The following TRIM23 variants were observed in gnomAD, a reference collection of about 807,000 sequenced individuals.
TRIM23 encodes tripartite motif containing 23, also known as E3 ubiquitin-protein ligase TRIM23.
A neutral mutation model predicts 71.0 loss-of-function variants in TRIM23; 27 were observed. The observed-to-expected ratio is 0.38, with a 90% CI of 0.28 to 0.52. TRIM23 has a LOEUF of 0.52. Among genes scored for constraint, TRIM23 ranks in the 20% least tolerant of loss-of-function variants. The probability of loss-of-function intolerance (pLI) is 0.84; values close to 1 mark genes in which losing one functional copy is unlikely to be tolerated. For synonymous variants in TRIM23, 234 were observed against 238.0 expected (o/e 0.98, Z 0.16); for missense variants, 482 against 692.3 (o/e 0.70, Z 3.41).
Position 65,594,592 on chromosome 5 carries a change from T to C in TRIM23, c.1474A>G (p.Ser492Gly), listed in dbSNP as rs1754143180. 4 of 1,612,642 alleles carry C rather than the reference T, an allele frequency of 2.5e-6. No individual in the cohort carries two copies. The highest frequency in any genetic ancestry group is 3.4e-6 in the Non-Finnish European group (4 of 1,179,480). ...SHRDRISEAH[S>G]ELAKLLTEKE... is the part of the protein sequence containing the mutation. The stretch of plus-strand genomic sequence containing the variant: ...TCCGTTAACAACTTTGCAAGTTCGC[T>C]GTGTGCTTCACTAATTCTGTCTCTA... Residue 492 changes from serine to glycine, a missense_variant, in exon 10 of 11, where the codon AGC (serine) becomes GGC (glycine). Transcript: ENST00000231524.
At position 65,590,218 on chromosome 5, in the gene TRIM23, T is replaced by C. The variant is rs142117958; in HGVS notation, c.*1551A>G. The C allele has an allele frequency of 7.9e-4, 731 of 924,954 alleles. 6 individuals carry two copies. The East Asian group carries it at 0.016, about 20-fold the overall frequency. The allele number at this position is 924,954 out of a possible 1,614,324, so 57.3% of individuals were successfully genotyped here. A position where few individuals can be genotyped will look rare whatever the true frequency, so the allele number is the denominator to read the frequency against. On this transcript the variant is annotated 3_prime_UTR_variant, in exon 11 of 11. Coordinates refer to ENST00000231524, the MANE Select transcript of TRIM23 (RefSeq NM_001656.4). ...ACACCTTTTTTATTTTTCACAGTTATTGAAATCAGTCAAATATTAAATAAT... is the reference window on the plus strand; with the variant it reads ...ACACCTTTTTTATTTTTCACAGTTACTGAAATCAGTCAAATATTAAATAAT...
At chr5:65,611,415 G>GTT (rs372586182) in intron 4 of TRIM23, among the ~76,000 whole-genome samples, 188 bp downstream of exon 4, 8 of 144,182 alleles carry the variant, frequency 5.5e-5, no homozygotes, top group African/African-American at 1.8e-4. Context: ...CCTCTTTGAA[G>GTT]TTTTTTTTTT....
intron 1 of TRIM23, among the ~76,000 whole-genome samples, chr5:65,620,985 G>A (rs1000723264): frequency 2.0e-5 from 3 of 151,798 alleles, no homozygotes; most frequent in South Asian, 2.1e-4. Flanking sequence ...AGCCATGATC[G>A]TGCCATTGCA....
chr5:65,603,115 AG>A (rs1378188481), intron 7 of TRIM23, among the ~76,000 whole-genome samples: 1 of 152,202 alleles, frequency 6.6e-6, no homozygotes, highest in Admixed American at 6.5e-5. Flanking sequence ...CAAATTCATA[AG>A]GGAAAAATAC....
chr5:65,594,266 A>G (rs1754130916), intron 10 of TRIM23, among the ~76,000 whole-genome samples: 1 of 152,210 alleles, frequency 6.6e-6, no homozygotes. Flanking sequence ...TAAGTTACTT[A>G]TCAGTCTTCT....
chr5:65,595,694 C>A (rs1373084327), intron 9 of TRIM23, among the ~76,000 whole-genome samples: 1 of 151,522 alleles, frequency 6.6e-6, no homozygotes, highest in Non-Finnish European at 1.5e-5. Flanking sequence ...CCACTGTACT[C>A]CTGCCTGGGC....
At chr5:65,600,135 C>T (rs1754321695) in intron 7 of TRIM23, among the ~76,000 whole-genome samples, 1 of 152,106 alleles carries the variant, frequency 6.6e-6, no homozygotes, top group South Asian at 2.1e-4. Flanking sequence ...ATGGCAAAGA[C>T]AGTACCAAGG....
chr5:65,598,578 C>T (rs28589945), intron 7 of TRIM23, among the ~76,000 whole-genome samples: 34,936 of 152,020 alleles, frequency 0.23, 4,398 homozygotes, highest in Non-Finnish European at 0.28. Context: ...AGAGAAACCC[C>T]GTCTCTACTA....
intron 8 of TRIM23, 139 bp downstream of exon 8, chr5:65,596,912 A>AT (rs1362190673): frequency 2.1e-5 from 22 of 1,063,862 alleles, no homozygotes; most frequent in Non-Finnish European, 2.8e-5. Flanking sequence ...ACAATCTTGC[A>AT]TTTTTTCTCT....
rs1754631380 is a variant in TRIM23, at chr5:65,610,871, T to G, written c.818A>C (p.His273Pro). The part of the protein sequence containing the change: ...QIVEDGIGMA[H>P]TEHVPGTAEN... ...AAAAAAAATCCATACATGTTCTGTGTGAGCCATTCCAATTCCATCTTCCAC... is the reference window on the plus strand; with the variant it reads ...AAAAAAAATCCATACATGTTCTGTGGGAGCCATTCCAATTCCATCTTCCAC... Residue 273 changes from histidine (H) to proline (P), a missense_variant, in exon 5 of 11, where the codon CAC (histidine) becomes CCC (proline). Around this residue, in one of 2 missense-constraint regions of TRIM23, gnomAD observed 307 missense variants for 495.8 expected, o/e 0.62. Transcript: ENST00000231524. 1 of 1,606,228 alleles carries G rather than the reference T, an allele frequency of 6.2e-7. No homozygotes were observed. The highest frequency in any genetic ancestry group is 8.5e-7 in the Non-Finnish European group (1 of 1,177,600).
intron 2 of TRIM23, among the ~76,000 whole-genome samples, chr5:65,615,315 A>G (rs971403345): frequency 6.6e-5 from 10 of 152,334 alleles, no homozygotes; most frequent in Admixed American, 3.3e-4. Flanking sequence ...AGAAATACAT[A>G]TAACATTGTA....
At chr5:65,603,849 A>G (rs1754426275) in intron 7 of TRIM23, among the ~76,000 whole-genome samples, 1 of 152,228 alleles carries the variant, frequency 6.6e-6, no homozygotes, top group Non-Finnish European at 1.5e-5. Context: ...CAACCATTAA[A>G]AAAATTGTTT....
In TRIM23 at chr5:65,590,191, C is replaced by G. The variant is rs548456657; in HGVS notation, c.*1578G>C. ...ACAGTTCAAGTTCTCACAAGCAATA[C>G]AACACCTTTTTTATTTTTCACAGTT... On this transcript the variant is annotated 3_prime_UTR_variant, in exon 11 of 11. Transcript: ENST00000231524. The G allele has an allele frequency of 8.1e-5, 61 of 751,958 alleles. No individual in the cohort carries two copies. In the African/African-American group the frequency reaches 9.9e-4, roughly 12 times the overall value. The allele number at this position is 751,958 out of a possible 1,614,324, so 46.6% of individuals were successfully genotyped here.
intron 1 of TRIM23, among the ~76,000 whole-genome samples, chr5:65,623,256 C>G (rs1415537959): frequency 6.6e-6 from 1 of 152,176 alleles, no homozygotes; most frequent in Non-Finnish European, 1.5e-5. Context: ...ATTAAAATAA[C>G]TTCTGGTAAT....
In TRIM23 at chr5:65,591,551, C is replaced by A; in HGVS notation, c.*218G>T. The A allele has an allele frequency of 6.9e-7, 1 of 1,443,628 alleles. No homozygotes were observed. The highest frequency in any genetic ancestry group is 1.5e-5 in the African/African-American group (1 of 67,086). The allele number at this position is 1,443,628 out of a possible 1,614,324, so 89.4% of individuals were successfully genotyped here. The stretch of plus-strand genomic sequence containing the variant: ...AAAAGAATGTATATTCAATAAGTTT[C>A]TATTTAATTCAATCTAATCTGCTCA... On this transcript the variant is annotated 3_prime_UTR_variant, in exon 11 of 11. Coordinates refer to ENST00000231524, the MANE Select transcript of TRIM23 (RefSeq NM_001656.4).
intron 2 of TRIM23, among the ~76,000 whole-genome samples, chr5:65,615,540 G>C (rs1581189837): frequency 7.4e-6 from 1 of 135,420 alleles, no homozygotes; most frequent in African/African-American, 2.7e-5. Context: ...AAAAAAAAAA[G>C]CCATTCTGTG....
chr5:65,597,170 A>G lies in TRIM23; in HGVS notation c.1190T>C (p.Val397Ala). 6.2e-7 allele frequency: 1 copy of G among 1,614,020 alleles called. No homozygotes were observed. The highest frequency in any genetic ancestry group is 1.3e-5 in the African/African-American group (1 of 75,030). Reference protein sequence around the residue: ...IPVTFTKDNRVHIGPKMEIRV... With the variant: ...IPVTFTKDNRAHIGPKMEIRV... The stretch of plus-strand genomic sequence containing the variant: ...AATTTCCATTTTTGGTCCAATGTGA[A>G]CTCGATTATCCTACAATTTAAATAT... Residue 397 changes from valine (V) to alanine (A), a missense_variant, in exon 8 of 11, where the codon GTT becomes GCT. Physicochemically the swap from Val to Ala is moderately conservative, Grantham distance 64 (BLOSUM62 0). This residue lies in a region of TRIM23 where 307 missense variants were observed against 495.8 expected (regional missense o/e 0.62). Transcript: ENST00000231524.
chr5:65,603,728 AT>A (rs1754422093), intron 7 of TRIM23, among the ~76,000 whole-genome samples: 1 of 152,198 alleles, frequency 6.6e-6, no homozygotes, highest in Admixed American at 6.5e-5. Flanking sequence ...GGAAAGCAAA[AT>A]GGTACACATG....
intron 6 of TRIM23, among the ~76,000 whole-genome samples, chr5:65,607,662 T>C (rs913424273): frequency 2.0e-5 from 3 of 152,200 alleles, no homozygotes; most frequent in African/African-American, 7.2e-5. Context: ...ATACCAGTCA[T>C]TTTGGCACAA....
Sources: gnomAD v4.1 joint callset for allele counts (sites outside exome capture counted in the v4.1 genomes callset) on GRCh38, gnomAD v4.1.1 for gene constraint, gnomAD v4.1.1 regional missense constraint, MANE v1.5 for transcripts, NCBI Gene and HGNC (gene_info 2026-07-23, HGNC 2026-07-21) for gene names.